FHIP1A: variants seen among roughly 807,000 people sequenced by gnomAD.
FHIP1A encodes FHF complex subunit HOOK interacting protein 1A.
FHIP1A carries 61 observed loss-of-function variants against 88.6 expected under a neutral mutation model. The ratio of observed to expected loss-of-function variants is 0.69; its 90% CI spans 0.56 to 0.85. FHIP1A has a LOEUF of 0.85. Ranked by LOEUF, FHIP1A falls within the 40% of genes least tolerant of loss-of-function variation. The pLI is 0.00. For missense variants in FHIP1A, 1,154 were observed against 1,273.5 expected (o/e 0.91, Z 1.43); for synonymous variants, 478 against 496.0 (o/e 0.96, Z 0.48).
intron 1 of FHIP1A, among the ~76,000 whole-genome samples, chr4:151,434,138 GT>G (rs1733710333): frequency 6.6e-6 from 1 of 152,178 alleles, no homozygotes; most frequent in Non-Finnish European, 1.5e-5. Context: ...TAGTTACTGT[GT>G]AAGACTTCAT....
chr4:151,645,729 A>T (rs747970163), intron 9 of FHIP1A, among the ~76,000 whole-genome samples: 1 of 151,580 alleles, frequency 6.6e-6, no homozygotes, highest in Non-Finnish European at 1.5e-5. Flanking sequence ...AATAAGCAGT[A>T]TGTTTTTTTT....
chr4:151,532,820 C>A (rs1731926755), intron 3 of FHIP1A, among the ~76,000 whole-genome samples: 1 of 152,094 alleles, frequency 6.6e-6, no homozygotes, highest in South Asian at 2.1e-4. Context: ...TCTTACATGG[C>A]AGCAGCAAGA....
intron 1 of FHIP1A, among the ~76,000 whole-genome samples, chr4:151,416,125 G>C (rs1223480704): frequency 6.6e-6 from 1 of 152,160 alleles, no homozygotes; most frequent in Non-Finnish European, 1.5e-5. Flanking sequence ...TTGGCTTGTA[G>C]AAAGTTCTAG....
chr4:151,414,879 C>T (rs1732825399), intron 1 of FHIP1A, among the ~76,000 whole-genome samples: 1 of 152,044 alleles, frequency 6.6e-6, no homozygotes, highest in Non-Finnish European at 1.5e-5. Context: ...ACATATTATT[C>T]AAATTCTAAA....
At chr4:151,616,738 C>G (rs1735546552) in intron 7 of FHIP1A, among the ~76,000 whole-genome samples, 4 of 151,404 alleles carry the variant, frequency 2.6e-5, no homozygotes, top group Admixed American at 2.6e-4. Flanking sequence ...GCATGAGCCA[C>G]CACGCCTGGC....
chr4:151,441,354 A>T (rs1437190483), intron 1 of FHIP1A, among the ~76,000 whole-genome samples: 1 of 151,592 alleles, frequency 6.6e-6, no homozygotes, highest in East Asian at 1.9e-4. Flanking sequence ...GATGACCTTT[A>T]AAAAAAACTG....
chr4:151,662,765 T>TG lies in FHIP1A; in HGVS notation c.*11_*12insG. 3 of 1,476,588 alleles carry TG rather than the reference T, an allele frequency of 2.0e-6. No homozygotes were observed. Among genetic ancestry groups the TG allele is most frequent in the South Asian group, 1.4e-5 (1 of 72,124 alleles). The allele number at this position is 1,476,588 out of a possible 1,614,324, so 91.5% of individuals were successfully genotyped here. Reference sequence around the variant, plus strand: ...GACTCCTGCTGTTAGCTTTTTTTTTTTTTTTTAATAGAGGTTCTTGTTTTG... The same window carrying TG: ...GACTCCTGCTGTTAGCTTTTTTTTTTGTTTTTTAATAGAGGTTCTTGTTTTG... On this transcript the variant is annotated 3_prime_UTR_variant, in exon 14 of 14. Coordinates refer to ENST00000435205, the MANE Select transcript of FHIP1A (RefSeq NM_001109977.3).
At chr4:151,502,543 A>T (rs1297128784) in intron 3 of FHIP1A, among the ~76,000 whole-genome samples, 1 of 152,188 alleles carries the variant, frequency 6.6e-6, no homozygotes, top group South Asian at 2.1e-4. Flanking sequence ...ACTTTTAGAT[A>T]GGGCAACAGG....
intron 8 of FHIP1A, among the ~76,000 whole-genome samples, chr4:151,638,315 T>TTGTGTGTGTGTGTGTGTGTGTGTG (rs146664249): frequency 5.2e-4 from 75 of 143,824 alleles, no homozygotes; most frequent in Non-Finnish European, 8.6e-4. Context: ...AAATAGGAGA[T>TTGTGTGTGTGTGTGTGTGTGTGTG]TGTGTGTGTG....
chr4:151,636,049 T>C (rs996791383), intron 8 of FHIP1A, among the ~76,000 whole-genome samples: 1 of 151,934 alleles, frequency 6.6e-6, no homozygotes, highest in Non-Finnish European at 1.5e-5. Context: ...ACATCTACTA[T>C]GAATATGGGC....
chr4:151,413,898 G>T (rs1732779714), intron 1 of FHIP1A, among the ~76,000 whole-genome samples: 1 of 152,140 alleles, frequency 6.6e-6, no homozygotes, highest in African/African-American at 2.4e-5. Flanking sequence ...TAAATGTTAT[G>T]CTCTTGGTCA....
intron 3 of FHIP1A, among the ~76,000 whole-genome samples, chr4:151,485,910 C>T (rs187809301): frequency 2.2e-4 from 34 of 152,156 alleles, no homozygotes; most frequent in African/African-American, 6.0e-4. Context: ...TTAACAAGCC[C>T]TCTAGGTCAG....
At chr4:151,458,011 A>G (rs943704908) in intron 2 of FHIP1A, among the ~76,000 whole-genome samples, 2 of 152,256 alleles carry the variant, frequency 1.3e-5, no homozygotes, top group Non-Finnish European at 2.9e-5. Context: ...ATGATTGTAA[A>G]AAATAGCTAA....
At chr4:151,437,175 A>T (rs1239071232) in intron 1 of FHIP1A, among the ~76,000 whole-genome samples, 2 of 152,100 alleles carry the variant, frequency 1.3e-5, no homozygotes, top group African/African-American at 4.8e-5. Flanking sequence ...TATGTTTTGC[A>T]TGCAAAATAA....
intron 3 of FHIP1A, among the ~76,000 whole-genome samples, chr4:151,517,945 C>T (rs190996135): frequency 1.2e-3 from 183 of 152,020 alleles, no homozygotes; most frequent in African/African-American, 4.2e-3. Context: ...AAAGTTTATA[C>T]AGTAAAAAAG....
chr4:151,523,962 C>T (rs990227273), intron 3 of FHIP1A, among the ~76,000 whole-genome samples: 2 of 152,152 alleles, frequency 1.3e-5, no homozygotes, highest in Non-Finnish European at 2.9e-5. Context: ...ACAGCAATGT[C>T]TTTCTGGCTA....
chr4:151,444,882 A>C (rs1161328813), intron 1 of FHIP1A, among the ~76,000 whole-genome samples: 1 of 152,232 alleles, frequency 6.6e-6, no homozygotes, highest in East Asian at 1.9e-4. Flanking sequence ...TTCTGATACA[A>C]AATGTGTGTG....
intron 1 of FHIP1A, among the ~76,000 whole-genome samples, chr4:151,412,688 T>TTTC (rs1732713895): frequency 3.4e-5 from 1 of 29,218 alleles, no homozygotes; most frequent in Non-Finnish European, 8.3e-5. Context: ...TCTTTCTTTC[T>TTTC]TTTTTTTTTT....
At chr4:151,640,657 G>T (rs1736553713) in intron 9 of FHIP1A, among the ~76,000 whole-genome samples, 1 of 152,166 alleles carries the variant, frequency 6.6e-6, no homozygotes, top group Admixed American at 6.5e-5. Context: ...TTCTTTGATG[G>T]TAGGAAAACC....
Sources: gnomAD v4.1 joint callset for allele counts (sites outside exome capture counted in the v4.1 genomes callset) on GRCh38, gnomAD v4.1.1 for gene constraint, MANE v1.5 for transcripts, NCBI Gene and HGNC (gene_info 2026-07-23, HGNC 2026-07-21) for gene names.